Variants in KIF2A observed in about 807,000 individuals in gnomAD.
The protein encoded by KIF2A is kinesin family member 2A, also known as kinesin-like protein KIF2A.
In KIF2A, 22 loss-of-function variants were observed where a neutral mutation model predicts 100.2. The observed-to-expected ratio is 0.22, with a 90% CI of 0.16 to 0.31. The LOEUF (loss-of-function observed/expected upper bound fraction) is 0.31, where lower values mean the gene tolerates loss of function less well. Among genes scored for constraint, KIF2A ranks in the 10% least tolerant of loss-of-function variants. The pLI, the probability that KIF2A is intolerant of heterozygous loss-of-function variation, is 1.00. For missense variants in KIF2A, 495 were observed against 898.7 expected (o/e 0.55, Z 5.74); for synonymous variants, 268 against 285.9 (o/e 0.94, Z 0.63).
At chr5:62,307,130 T>TC (rs11369785) in intron 1 of KIF2A, 135,491 of 152,174 alleles carry the variant, frequency 0.89, 60,483 homozygotes, top group Middle Eastern at 0.93. Flanking sequence ...TTTTGCCACT[T>TC]CTTGGGAGAA....
At chr5:62,383,167 T>G (rs1423517712) in intron 20 of KIF2A, among the ~76,000 whole-genome samples, 1 of 149,814 alleles carries the variant, frequency 6.7e-6, no homozygotes, top group Non-Finnish European at 1.5e-5. Flanking sequence ...CCTCACGTGA[T>G]GCACCCACCT....
chr5:62,334,527 C>CCCTCTT (rs1038971677), intron 1 of KIF2A, among the ~76,000 whole-genome samples: 1 of 142,842 alleles, frequency 7.0e-6, no homozygotes, highest in Non-Finnish European at 1.5e-5. Context: ...CTCTTCCTCC[C>CCCTCTT]CCTCTTCCTC....
At chr5:62,333,444 G>T (rs970156416) in intron 1 of KIF2A, among the ~76,000 whole-genome samples, 3 of 152,178 alleles carry the variant, frequency 2.0e-5, no homozygotes, top group Non-Finnish European at 4.4e-5. Flanking sequence ...GGAAGATGGC[G>T]ACATCAGGGG....
chr5:62,359,053 C>T (rs185573915), intron 9 of KIF2A, among the ~76,000 whole-genome samples: 10 of 152,192 alleles, frequency 6.6e-5, no homozygotes, highest in Admixed American at 2.6e-4. Context: ...GAAAAAGTTC[C>T]GTACTTGTAT....
intron 1 of KIF2A, chr5:62,311,959 T>C (rs1482905034): frequency 6.6e-6 from 1 of 152,218 alleles, no homozygotes; most frequent in Non-Finnish European, 1.5e-5. Context: ...CAAGATCACA[T>C]GGTTAATAAG....
chr5:62,344,783 A>C (rs1310081758), intron 1 of KIF2A, among the ~76,000 whole-genome samples: 1 of 152,228 alleles, frequency 6.6e-6, no homozygotes, highest in Non-Finnish European at 1.5e-5. Context: ...AATAATAGGT[A>C]GGTCTATACA....
At chr5:62,352,026 C>T (rs975843511) in intron 4 of KIF2A, among the ~76,000 whole-genome samples, 6 of 151,722 alleles carry the variant, frequency 4.0e-5, no homozygotes, top group Non-Finnish European at 8.8e-5. Flanking sequence ...TAGTGGCGTG[C>T]GCCTGTAGTC....
Position 62,363,678 on chromosome 5 carries a change from C to A in KIF2A, c.1263-17C>A. 1 of 1,604,548 alleles carries A rather than the reference C, an allele frequency of 6.2e-7. No individual in the cohort carries two copies. The highest frequency in any genetic ancestry group is 8.5e-7 in the Non-Finnish European group (1 of 1,171,788). ...TGAAGTTTTTAATGTATCAAGATGT[C>A]CTTAATCACATTGTAGAACATCCGG... On this transcript the variant is annotated splice_polypyrimidine_tract_variant and intron_variant, in intron 13 of 20. Coordinates refer to ENST00000407818, the MANE Select transcript of KIF2A (RefSeq NM_001098511.3).
rs1747613426 is a variant in KIF2A at position 62,347,163 on chromosome 5, A to G, written c.98A>G (p.Asn33Ser). 1 of 1,604,028 alleles carries G rather than the reference A, an allele frequency of 6.2e-7. No individual in the cohort carries two copies. The highest frequency in any genetic ancestry group is 8.5e-7 in the Non-Finnish European group (1 of 1,173,778). ...CATCAAGCAATGGTAACATCTTTAA[A>G]TGAAGATAATGAAAGTGTAACTGTT... is the stretch of plus-strand genomic sequence containing the variant. ...RIHQAMVTSLNEDNESVTVEW... is the reference protein window; with the variant it reads ...RIHQAMVTSLSEDNESVTVEW... Residue 33 changes from asparagine (N) to serine (S), a missense_variant, in exon 2 of 21, where the codon AAT becomes AGT. By Grantham distance (46) the Asn-to-Ser change is conservative. This residue lies in a region of KIF2A where 115 missense variants were observed against 143.6 expected (regional missense o/e 0.80). Coordinates refer to ENST00000407818, the MANE Select transcript of KIF2A (RefSeq NM_001098511.3).
intron 1 of KIF2A, among the ~76,000 whole-genome samples, chr5:62,310,655 C>G (rs1039630546): frequency 5.3e-5 from 8 of 152,088 alleles, no homozygotes; most frequent in Non-Finnish European, 1.2e-4. Context: ...GTTAATCTGA[C>G]TTTTCTGGTT....
chr5:62,337,706 T>A (rs985395187), intron 1 of KIF2A, among the ~76,000 whole-genome samples: 1 of 151,382 alleles, frequency 6.6e-6, no homozygotes, highest in African/African-American at 2.4e-5. Context: ...ATGCCTGTAA[T>A]CCTTGCTACT....
intron 6 of KIF2A, 41 bp from the exon 7 acceptor site, chr5:62,355,115 CATT>C: frequency 1.2e-6 from 1 of 865,426 alleles, no homozygotes; most frequent in Non-Finnish European, 1.9e-6. Flanking sequence ...GTAACAAATA[CATT>C]ATTATATTTA....
rs185575247 is a variant in KIF2A, at chr5:62,329,023, A to T, written c.65-18107A>T. On this transcript the variant is annotated intron_variant, in intron 1 of 20. Coordinates refer to ENST00000407818, the MANE Select transcript of KIF2A (RefSeq NM_001098511.3). ...TTTCAAAACAATAGATGAGGTAAGA[A>T]TTTGAAAATTCATAGTTTGTTTTCA... Among the ~76,000 whole-genome samples, 848 of 152,286 alleles carry T rather than the reference A, an allele frequency of 5.6e-3. 9 individuals carry two copies. Among genetic ancestry groups the T allele is most frequent in the African/African-American group, 0.02 (818 of 41,546 alleles).
chr5:62,377,804 T>G, intron 19 of KIF2A, 42 bp downstream of exon 19: 1 of 1,082,410 alleles, frequency 9.2e-7, no homozygotes, highest in South Asian at 1.5e-5. Flanking sequence ...TTTCTTGAGA[T>G]AAATTAAGAA....
chr5:62,319,190 A>AACAAC (rs1561248861), intron 1 of KIF2A, among the ~76,000 whole-genome samples: 4 of 135,326 alleles, frequency 3.0e-5, no homozygotes, highest in African/African-American at 1.1e-4. Flanking sequence ...ACAACAACAA[A>AACAAC]AAACCCAAAA....
intron 1 of KIF2A, among the ~76,000 whole-genome samples, chr5:62,319,416 A>C (rs1745993805): frequency 6.6e-6 from 1 of 152,196 alleles, no homozygotes; most frequent in Non-Finnish European, 1.5e-5. Flanking sequence ...ACTCCAGACA[A>C]GCTGAACTTT....
Position 62,347,118 on chromosome 5 carries a change from A to C in KIF2A, c.65-12A>C. On this transcript the variant is annotated splice_polypyrimidine_tract_variant and intron_variant, in intron 1 of 20. Transcript: ENST00000407818. ...GTGGCATTTTTAAGGTGTATACTTTATTCCCACATAGGCCGAATACATCAA... is the reference window on the plus strand; with the variant it reads ...GTGGCATTTTTAAGGTGTATACTTTCTTCCCACATAGGCCGAATACATCAA... 1 of 1,526,710 alleles carries C rather than the reference A, an allele frequency of 6.6e-7. No homozygotes were observed. Among genetic ancestry groups the C allele is most frequent in the Non-Finnish European group, 9.0e-7 (1 of 1,106,508 alleles). 94.6% of individuals were successfully genotyped at this position (1,526,710 alleles called of 1,614,324 possible).
Position 62,366,485 on chromosome 5 carries a change from T to G in KIF2A, c.1646+4T>G. ...ATACATTAAGATATGCAAATAGGTATGAGAGATAGTTCTCCATTTTGAAAT... is the reference window on the plus strand; with the variant it reads ...ATACATTAAGATATGCAAATAGGTAGGAGAGATAGTTCTCCATTTTGAAAT... On this transcript the variant is annotated splice_donor_region_variant and intron_variant, in intron 16 of 20. Transcript: ENST00000407818. 1 of 1,510,536 alleles carries G rather than the reference T, an allele frequency of 6.6e-7. No individual in the cohort carries two copies. The highest frequency in any genetic ancestry group is 9.1e-7 in the Non-Finnish European group (1 of 1,098,102). 93.6% of individuals were successfully genotyped at this position (1,510,536 alleles called of 1,614,324 possible).
chr5:62,339,493 GA>G (rs1285460114), intron 1 of KIF2A, among the ~76,000 whole-genome samples: 1 of 150,628 alleles, frequency 6.6e-6, no homozygotes, highest in Non-Finnish European at 1.5e-5. Context: ...GCACCGAAGA[GA>G]AAAGTTTTAT....
Sources: gnomAD v4.1 joint callset for allele counts (sites outside exome capture counted in the v4.1 genomes callset) on GRCh38, gnomAD v4.1.1 for gene constraint, gnomAD v4.1.1 regional missense constraint, MANE v1.5 for transcripts, NCBI Gene and HGNC (gene_info 2026-07-23, HGNC 2026-07-21) for gene names.